Variants in CSMD1 observed in about 807,000 individuals in gnomAD.
The protein encoded by CSMD1 is CUB and Sushi multiple domains 1, also known as CUB and sushi domain-containing protein 1.
CSMD1 carries 213 observed loss-of-function variants against 417.5 expected under a neutral mutation model. That is an observed-to-expected ratio of 0.51 (90% CI 0.46 to 0.57). CSMD1 has a LOEUF of 0.57. Among genes scored for constraint, CSMD1 ranks in the 20% least tolerant of loss-of-function variants. CSMD1 has a pLI of 0.00. For synonymous variants in CSMD1, 2,862 were observed against 1,736.8 expected, an observed-to-expected ratio of 1.65 and a Z score of -16.11; for missense variants, 6,923 against 4,529.7, an observed-to-expected ratio of 1.53 and a Z score of -15.17.
intron 1 of CSMD1, among the ~76,000 whole-genome samples, chr8:4,686,305 T>C (rs1458511852): frequency 6.6e-6 from 1 of 152,172 alleles, no homozygotes; most frequent in South Asian, 2.1e-4. Flanking sequence ...CGAACATATA[T>C]GCAATCATGC....
At chr8:3,007,582 T>C (rs1418570976) in intron 52 of CSMD1, among the ~76,000 whole-genome samples, 11 of 151,532 alleles carry the variant, frequency 7.3e-5, no homozygotes, top group African/African-American at 2.7e-4. Context: ...CATGGAATAC[T>C]ATGCAGCCAT....
At chr8:4,024,353 G>A (rs2554579) in intron 4 of CSMD1, among the ~76,000 whole-genome samples, 1 of 151,948 alleles carries the variant, frequency 6.6e-6, no homozygotes, top group Admixed American at 6.5e-5. Flanking sequence ...TAAATCTTAT[G>A]GATTCTGTGG....
At chr8:3,881,846 G>C (rs911256361) in intron 5 of CSMD1, among the ~76,000 whole-genome samples, 1 of 152,000 alleles carries the variant, frequency 6.6e-6, no homozygotes, top group Non-Finnish European at 1.5e-5. Flanking sequence ...ACTGCTCAGG[G>C]CAAGGGGAAA....
intron 7 of CSMD1, among the ~76,000 whole-genome samples, chr8:3,618,081 A>C (rs1382820603): frequency 6.6e-6 from 1 of 152,136 alleles, no homozygotes; most frequent in East Asian, 1.9e-4. Context: ...GGATCACTGC[A>C]GCCTCAACCT....
At chr8:3,676,500 A>T (rs373186292) in intron 7 of CSMD1, among the ~76,000 whole-genome samples, 1 of 152,190 alleles carries the variant, frequency 6.6e-6, no homozygotes, top group Non-Finnish European at 1.5e-5. Context: ...TTGCCTGAAA[A>T]ATTTTATATC....
At chr8:4,592,952 G>C (rs1800065495) in intron 2 of CSMD1, among the ~76,000 whole-genome samples, 1 of 152,090 alleles carries the variant, frequency 6.6e-6, no homozygotes. Flanking sequence ...GTTTGCTGTA[G>C]TTTTCTTTCT....
rs146155043 is a variant in CSMD1, at chr8:4,167,312, C to T, written c.416-135213G>A. On this transcript the variant is annotated intron_variant, in intron 3 of 69. Transcript: ENST00000635120. ...GTGTCTATAACAGAAAGCATTCTTA[C>T]GTAACTTAGAGGTATCTAAGTAAGA... Among the ~76,000 whole-genome samples, 721 of 152,206 alleles carry T rather than the reference C, an allele frequency of 4.7e-3. 2 individuals are homozygous for T. Among genetic ancestry groups the T allele is most frequent in the African/African-American group, 0.016 (683 of 41,512 alleles).
chr8:3,262,415 C>T (rs1443120119), intron 26 of CSMD1, among the ~76,000 whole-genome samples: 1 of 150,828 alleles, frequency 6.6e-6, no homozygotes, highest in East Asian at 2.0e-4. Context: ...TCACCCATTG[C>T]TGGGGATAAT....
At chr8:4,013,947 T>C (rs940219542) in intron 4 of CSMD1, among the ~76,000 whole-genome samples, 12 of 152,320 alleles carry the variant, frequency 7.9e-5, no homozygotes, top group Non-Finnish European at 2.9e-5. Context: ...GATTGATAAG[T>C]GTATGTAATA....
chr8:3,383,975 G>T (rs371965706), intron 18 of CSMD1, among the ~76,000 whole-genome samples: 84 of 152,236 alleles, frequency 5.5e-4, no homozygotes, highest in African/African-American at 2.0e-3. Context: ...GGACAAACAG[G>T]ACCTTCCCTG....
chr8:4,288,056 G>C (rs555774526), intron 3 of CSMD1, among the ~76,000 whole-genome samples: 1 of 152,154 alleles, frequency 6.6e-6, no homozygotes, highest in Non-Finnish European at 1.5e-5. Flanking sequence ...CTAAAACAAG[G>C]AGGATATAAA....
intron 3 of CSMD1, among the ~76,000 whole-genome samples, chr8:4,354,758 T>C (rs113398503): frequency 7.0e-4 from 107 of 152,250 alleles, no homozygotes; most frequent in African/African-American, 2.5e-3. Flanking sequence ...GAATTCCTTT[T>C]ATAGATTTCC....
At chr8:4,757,815 G>T (rs954176463) in intron 1 of CSMD1, among the ~76,000 whole-genome samples, 3 of 151,636 alleles carry the variant, frequency 2.0e-5, no homozygotes, top group African/African-American at 7.3e-5. Context: ...GAAAATTAGC[G>T]AGGCACGGTG....
chr8:4,359,759 G>C (rs549516305), intron 3 of CSMD1, among the ~76,000 whole-genome samples: 153 of 152,320 alleles, frequency 1.0e-3, no homozygotes, highest in Non-Finnish European at 2.0e-3. Context: ...CATTCCAAGG[G>C]TCCACGTCAA....
In CSMD1 at chr8:2,957,734, G is replaced by T. The variant is rs758700513; in HGVS notation, c.9776C>A (p.Ala3259Asp). 14 of 1,598,896 alleles carry T rather than the reference G, an allele frequency of 8.8e-6. No individual in the cohort carries two copies. Among genetic ancestry groups the T allele is most frequent in the Non-Finnish European group, 9.4e-6 (11 of 1,171,892 alleles). The change falls in exon 63 of 70, where the codon GCC becomes GAC. Residue 3259 changes from alanine (A) to aspartate (D), a missense_variant. Physicochemically the swap from Ala to Asp is moderately radical, Grantham distance 126. Transcript: ENST00000635120. Reference sequence around the variant, plus strand: ...CTGTATCCCACTCCATGTTAAATTGGCAAGGCAGGTGCGAGTCGTGGAACC... The same window carrying T: ...CTGTATCCCACTCCATGTTAAATTGTCAAGGCAGGTGCGAGTCGTGGAACC... ...IQGSTTRTCL[A>D]NLTWSGIQTE...
intron 12 of CSMD1, among the ~76,000 whole-genome samples, chr8:3,451,143 C>A (rs185459294): frequency 1.3e-5 from 2 of 152,296 alleles, no homozygotes; most frequent in East Asian, 3.9e-4. Context: ...ATATCCTTCG[C>A]CCACTTTTTG....
chr8:3,189,337 T>C (rs1796276543), intron 34 of CSMD1, among the ~76,000 whole-genome samples: 2 of 152,248 alleles, frequency 1.3e-5, no homozygotes, highest in African/African-American at 4.8e-5. Context: ...TTTAAGGACC[T>C]TGGCAGAGTT....
intron 23 of CSMD1, among the ~76,000 whole-genome samples, chr8:3,308,788 A>ATCTTGCCTCACTG (rs1414227798): frequency 4.1e-5 from 5 of 123,202 alleles, no homozygotes; most frequent in Non-Finnish European, 6.3e-5. Context: ...CAATGGCGTG[A>ATCTTGCCTCACTG]TCTTGCCTCA....
intron 46 of CSMD1, among the ~76,000 whole-genome samples, chr8:3,101,515 G>A (rs531275835): frequency 9.1e-4 from 139 of 152,056 alleles, no homozygotes; most frequent in Non-Finnish European, 1.7e-3. Context: ...CTCCACCTCC[G>A]GGGTTCACAC....
Sources: gnomAD v4.1 joint callset for allele counts (sites outside exome capture counted in the v4.1 genomes callset) on GRCh38, gnomAD v4.1.1 for gene constraint, MANE v1.5 for transcripts, NCBI Gene and HGNC (gene_info 2026-07-23, HGNC 2026-07-21) for gene names.